The following TMEM165 variants were observed in gnomAD, a reference collection of about 807,000 sequenced individuals.
TMEM165 encodes the protein putative divalent cation/proton antiporter TMEM165.
In TMEM165, 19 loss-of-function variants were observed where a neutral mutation model predicts 30.0. The ratio of observed to expected loss-of-function variants is 0.63; its 90% CI spans 0.44 to 0.93. The LOEUF is 0.93. TMEM165 is among the 40% of genes least tolerant of loss of function. The pLI is 0.00. For synonymous variants in TMEM165, 168 were observed against 162.9 expected (o/e 1.03, Z -0.24); for missense variants, 340 against 417.0 (o/e 0.82, Z 1.61).
At chr4:55,412,967 TTTTA>T (rs906081971) in intron 2 of TMEM165, among the ~76,000 whole-genome samples, 4 of 151,842 alleles carry the variant, frequency 2.6e-5, no homozygotes, top group Admixed American at 6.5e-5. Flanking sequence ...TAGGGCTATT[TTTTA>T]TTTATTTATT....
At chr4:55,430,963 C>G (rs73151851), downstream of TMEM165, 1 of 152,250 alleles carries the variant, frequency 6.6e-6, no homozygotes. Flanking sequence ...TCCCATAAAC[C>G]AACTACGGTT....
chr4:55,425,099 G>A (rs764484627), intron 5 of TMEM165, among the ~76,000 whole-genome samples: 1 of 152,220 alleles, frequency 6.6e-6, no homozygotes, highest in African/African-American at 2.4e-5. Context: ...ATGAGTTATA[G>A]TTCTACTGTT....
intron 4 of TMEM165, chr4:55,423,797 T>A (rs1722083090): frequency 6.6e-6 from 1 of 152,364 alleles, no homozygotes; most frequent in Admixed American, 6.5e-5. Flanking sequence ...GGACACAGTT[T>A]AAACTCCAAG....
At chr4:55,453,324 A>G (rs1323213615) in exon 4 of TMEM165, 4 of 554,560 alleles carry the variant, frequency 7.2e-6, no homozygotes, top group Non-Finnish European at 1.3e-5. Flanking sequence ...AGTTTCATAC[A>G]CTGCTGTAAA....
chr4:55,452,570 A>G (rs762128381), exon 4 of TMEM165: 9 of 157,022 alleles, frequency 5.7e-5, no homozygotes, highest in Non-Finnish European at 9.8e-5. Context: ...ATTTTGGAGT[A>G]AGTTGTTACA....
intron 2 of TMEM165, among the ~76,000 whole-genome samples, chr4:55,414,461 T>C (rs1309806875): frequency 6.6e-6 from 1 of 152,132 alleles, no homozygotes; most frequent in Non-Finnish European, 1.5e-5. Flanking sequence ...TTATACTTTA[T>C]GTTCTGGGAT....
At chr4:55,442,493 T>A (rs150358770) in intron 3 of TMEM165, 44 of 1,608,340 alleles carry the variant, frequency 2.7e-5, no homozygotes, top group Non-Finnish European at 3.6e-5. Flanking sequence ...TTTTGTGGCA[T>A]ACTAGATGGA....
chr4:55,424,785 T>C, intron 5 of TMEM165, 142 bp downstream of exon 5: 3 of 605,178 alleles, frequency 5.0e-6, no homozygotes, highest in Non-Finnish European at 8.6e-6. Context: ...GAGGTATTAA[T>C]CCTGGTATTG....
rs1202059863 is a variant in TMEM165 at position 55,396,407 on chromosome 4, C to T, written c.207+11C>T. On this transcript the variant is annotated intron_variant, in intron 1 of 5. Coordinates refer to ENST00000381334, the MANE Select transcript of TMEM165 (RefSeq NM_018475.5). ...CCGGCCCGGGTCGAGGTGAGCGGGC[C>T]GGGATGGGGCGAGCGAGGCTGCAGG... is the stretch of plus-strand genomic sequence containing the variant. The T allele has an allele frequency of 4.1e-6, 6 of 1,451,452 alleles. No individual in the cohort carries two copies. Among genetic ancestry groups the T allele is most frequent in the Non-Finnish European group, 4.5e-6 (5 of 1,110,914 alleles). The allele number at this position is 1,451,452 out of a possible 1,614,324, so 89.9% of individuals were successfully genotyped here. A position where few individuals can be genotyped will look rare whatever the true frequency, so the allele number is the denominator to read the frequency against.
Position 55,400,264 on chromosome 4 carries a change from T to A in TMEM165, c.207+3868T>A, listed in dbSNP as rs1411840499. ...ATTAATATTATATTATATTAATATA[T>A]AATATATAATATAATATTATATATT... On this transcript the variant is annotated intron_variant, in intron 1 of 5. Transcript: ENST00000381334. Among the ~76,000 whole-genome samples, 308 of 92,024 alleles carry A rather than the reference T, an allele frequency of 3.3e-3. 4 individuals carry two copies. The highest frequency in any genetic ancestry group is 0.013 in the African/African-American group (286 of 22,478). The allele number at this position is 92,024 out of a possible 152,430, so 60.4% of individuals were successfully genotyped here. A position where few individuals can be genotyped will look rare whatever the true frequency, so the allele number is the denominator to read the frequency against.
chr4:55,410,470 G>T (rs764984034), intron 1 of TMEM165, among the ~76,000 whole-genome samples: 1 of 151,966 alleles, frequency 6.6e-6, no homozygotes, highest in East Asian at 1.9e-4. Context: ...TGCAATGGGC[G>T]CAGTCTCAGC....
downstream of TMEM165, chr4:55,429,890 C>T (rs910850495): frequency 6.6e-6 from 1 of 152,124 alleles, no homozygotes; most frequent in African/African-American, 2.4e-5. Context: ...CCTCCACTGC[C>T]GTCCTGAAGT....
chr4:55,438,265 C>G (rs147100605), intron 3 of TMEM165: 1 of 1,613,924 alleles, frequency 6.2e-7, no homozygotes, highest in African/African-American at 1.3e-5. Context: ...AAGCAGCTTC[C>G]CCATGGGGAG....
chr4:55,408,174 G>A (rs76770297), intron 1 of TMEM165, among the ~76,000 whole-genome samples: 4,085 of 152,240 alleles, frequency 0.027, 191 homozygotes, highest in African/African-American at 0.093. Context: ...GATACTTTTC[G>A]TTTTAAGTTC....
chr4:55,396,332 C>T lies in TMEM165; in HGVS notation c.143C>T (p.Ala48Val). 1 of 1,517,500 alleles carries T rather than the reference C, an allele frequency of 6.6e-7. No individual in the cohort carries two copies. The highest frequency in any genetic ancestry group is 8.8e-7 in the Non-Finnish European group (1 of 1,137,720). The allele number at this position is 1,517,500 out of a possible 1,614,324, so 94.0% of individuals were successfully genotyped here. A position where few individuals can be genotyped will look rare whatever the true frequency, so the allele number is the denominator to read the frequency against. ...DLSHRNKEPP[A>V]PAQQLQPQPV... ...AGCCACCGGAACAAAGAACCGCCGG[C>T]GCCGGCCCAGCAGCTGCAGCCGCAG... is the stretch of plus-strand genomic sequence containing the variant. The change falls in exon 1 of 6, where the codon GCG becomes GTG. Residue 48 changes from alanine (A) to valine (V), a missense_variant. Ala to Val is a moderately conservative substitution (Grantham distance 64). This residue lies in a region of TMEM165 where 120 missense variants were observed against 109.4 expected (regional missense o/e 1.10). Coordinates refer to ENST00000381334, the MANE Select transcript of TMEM165 (RefSeq NM_018475.5).
At position 55,417,809 on chromosome 4, in the gene TMEM165, C is replaced by T; in HGVS notation, c.616C>T (p.Arg206Ter). The T allele has an allele frequency of 3.1e-6, 5 of 1,594,446 alleles. No individual in the cohort carries two copies. Among genetic ancestry groups the T allele is most frequent in the East Asian group, 2.3e-5 (1 of 44,396 alleles). The change falls in exon 4 of 6, where the codon CGA (arginine) becomes TGA (stop). Residue 206 changes from arginine (R) to a stop codon, truncating the protein, a stop_gained. Coordinates refer to ENST00000381334, the MANE Select transcript of TMEM165 (RefSeq NM_018475.5). LOFTEE classifies it high-confidence loss of function. ...ELKKKDEEFQ[R>*]TKLLNGPGDV... ...TGTTTATTATTTATTTTAGTTTCAA[C>T]GAACCAAACTTTTAAATGGACCGGG...
intron 1 of TMEM165, among the ~76,000 whole-genome samples, chr4:55,408,660 A>T (rs1721370413): frequency 6.6e-6 from 1 of 152,226 alleles, no homozygotes; most frequent in South Asian, 2.1e-4. Context: ...TACATTTTAC[A>T]GAGGAACAGA....
At chr4:55,414,544 G>A (rs1024490367) in intron 2 of TMEM165, among the ~76,000 whole-genome samples, 12 of 151,960 alleles carry the variant, frequency 7.9e-5, no homozygotes, top group East Asian at 7.7e-4. Context: ...TCATCAACCC[G>A]TCATCTAGGT....
intron 3 of TMEM165, chr4:55,449,464 T>C: frequency 6.2e-7 from 1 of 1,614,038 alleles, no homozygotes; most frequent in Non-Finnish European, 8.5e-7. Flanking sequence ...CTGGGTGGAG[T>C]GCTCGTATCC....
Sources: allele counts gnomAD v4.1 joint callset (sites outside exome capture counted in the v4.1 genomes callset), GRCh38; gene constraint gnomAD v4.1.1; regional missense constraint gnomAD v4.1.1; transcripts MANE v1.5; gene names NCBI Gene and HGNC (gene_info 2026-07-23, HGNC 2026-07-21).